PEX7: variants seen among roughly 807,000 people sequenced by gnomAD.
PEX7 encodes peroxisomal biogenesis factor 7, also known as PTS2 receptor.
PEX7 carries 34 observed loss-of-function variants against 47.5 expected under a neutral mutation model. The observed-to-expected ratio is 0.72, with a 90% CI of 0.54 to 0.95. PEX7 has a LOEUF of 0.95. Among genes scored for constraint, PEX7 ranks in the 40% least tolerant of loss-of-function variants. The pLI is 0.00. For synonymous variants in PEX7, 141 were observed against 148.8 expected (o/e 0.95, Z 0.38); for missense variants, 394 against 400.3 (o/e 0.98, Z 0.13).
chr6:136,891,827 T>A (rs1162444482), intron 8 of PEX7, among the ~76,000 whole-genome samples: 1 of 152,168 alleles, frequency 6.6e-6, no homozygotes, highest in Non-Finnish European at 1.5e-5. Context: ...GTATTTTTGG[T>A]AGAGACAGGG....
intron 7 of PEX7, 46 bp from the exon 8 acceptor site, chr6:136,872,152 A>C: frequency 2.5e-5 from 37 of 1,474,030 alleles, no homozygotes; most frequent in Non-Finnish European, 2.9e-5. Flanking sequence ...TGTTATAATC[A>C]CAGCTGACTT....
At chr6:136,887,170 A>G (rs1025627322) in intron 8 of PEX7, among the ~76,000 whole-genome samples, 1 of 152,194 alleles carries the variant, frequency 6.6e-6, no homozygotes, top group African/African-American at 2.4e-5. Flanking sequence ...AAATTATTTC[A>G]TAAGGAGGCA....
Position 136,845,673 on chromosome 6 carries a change from G to A in PEX7, c.398G>A (p.Trp133Ter). The change falls in exon 4 of 10, where the codon TGG becomes TAG. Residue 133 changes from tryptophan to a stop codon, truncating the protein, a stop_gained. Coordinates refer to ENST00000318471, the MANE Select transcript of PEX7 (RefSeq NM_000288.4). LOFTEE classifies it high-confidence loss of function. Reference sequence around the variant, plus strand: ...GAACAGCTTGTGGTGTCTGGCTCATGGGATCAAACTGTCAAATTGGTATGT... The same window carrying A: ...GAACAGCTTGTGGTGTCTGGCTCATAGGATCAAACTGTCAAATTGGTATGT... Reference protein sequence around the residue: ...RGEQLVVSGSWDQTVKLWDPT... With the variant: ...RGEQLVVSGS The A allele has an allele frequency of 6.2e-7, 1 of 1,605,664 alleles. No individual in the cohort carries two copies. The highest frequency in any genetic ancestry group is 8.5e-7 in the Non-Finnish European group (1 of 1,172,322).
rs375208281 is a variant in PEX7, at chr6:136,854,944, C to T, written c.526+8763C>T. ...TCTCTACAAAAATACAAAAATTAGC[C>T]GGGCATGGTGGCACACACCTGTAAT... On this transcript the variant is annotated intron_variant, in intron 5 of 9. Transcript: ENST00000318471. Among the ~76,000 whole-genome samples the T allele has an allele frequency of 6.4e-4, 97 of 152,084 alleles. 2 individuals are homozygous for T. Among genetic ancestry groups the T allele is most frequent in the African/African-American group, 2.3e-3 (95 of 41,498 alleles).
chr6:136,822,998 T>A, intron 1 of PEX7: 3 of 985,470 alleles, frequency 3.0e-6, no homozygotes, highest in Non-Finnish European at 3.6e-6. Flanking sequence ...GGAGTCGATC[T>A]TCCAGTTGTG....
intron 7 of PEX7, among the ~76,000 whole-genome samples, chr6:136,870,454 A>G (rs1233877570): frequency 2.0e-5 from 3 of 152,102 alleles, no homozygotes; most frequent in East Asian, 1.9e-4. Flanking sequence ...AAAGTTTTCT[A>G]CTCTGTGAAC....
chr6:136,843,660 T>A (rs9399197), intron 3 of PEX7, among the ~76,000 whole-genome samples: 1 of 152,006 alleles, frequency 6.6e-6, no homozygotes, highest in Non-Finnish European at 1.5e-5. Flanking sequence ...AATCAAACTC[T>A]TTAGCTCTCA....
chr6:136,862,933 C>G (rs531726934), intron 5 of PEX7, among the ~76,000 whole-genome samples: 2 of 152,110 alleles, frequency 1.3e-5, no homozygotes, highest in Non-Finnish European at 2.9e-5. Context: ...AGGCCAAACA[C>G]TGGACATCCA....
intron 5 of PEX7, 47 bp downstream of exon 5, chr6:136,846,228 G>T: frequency 8.3e-7 from 1 of 1,208,560 alleles, no homozygotes; most frequent in South Asian, 1.3e-5. Context: ...AGTGAATGGT[G>T]GCCTTGTTTT....
chr6:136,860,747 A>G (rs1774946761), intron 5 of PEX7, among the ~76,000 whole-genome samples: 1 of 152,212 alleles, frequency 6.6e-6, no homozygotes, highest in Middle Eastern at 3.4e-3. Flanking sequence ...TCTTTTATTG[A>G]AGTATAATAC....
intron 2 of PEX7, among the ~76,000 whole-genome samples, chr6:136,825,837 A>AC (rs1774179396): frequency 6.6e-6 from 1 of 151,872 alleles, no homozygotes; most frequent in African/African-American, 2.4e-5. Flanking sequence ...CCAGCCTAAA[A>AC]ATTTTTTTAA....
chr6:136,881,090 A>G (rs1280230301), intron 8 of PEX7, among the ~76,000 whole-genome samples: 1 of 152,226 alleles, frequency 6.6e-6, no homozygotes, highest in Non-Finnish European at 1.5e-5. Flanking sequence ...TTTGGACACC[A>G]TTTACTCACT....
chr6:136,897,742 T>TA (rs889568898), intron 8 of PEX7, among the ~76,000 whole-genome samples: 24 of 152,220 alleles, frequency 1.6e-4, no homozygotes, highest in African/African-American at 5.8e-4. Flanking sequence ...CACAAAATGT[T>TA]AGAGTTCATT....
chr6:136,823,336 G>C, intron 1 of PEX7: 1 of 985,444 alleles, frequency 1.0e-6, no homozygotes, highest in Non-Finnish European at 1.2e-6. Flanking sequence ...ATCAAGTTCA[G>C]TTCTTACCTG....
chr6:136,869,431 T>G (rs1302337748), intron 6 of PEX7, among the ~76,000 whole-genome samples: 1 of 151,824 alleles, frequency 6.6e-6, no homozygotes, highest in African/African-American at 2.4e-5. Flanking sequence ...GTAGACAGGG[T>G]CTTGCTTTAT....
At chr6:136,860,660 A>G (rs1183313479) in intron 5 of PEX7, among the ~76,000 whole-genome samples, 1 of 102,448 alleles carries the variant, frequency 9.8e-6, no homozygotes, top group Non-Finnish European at 2.1e-5. Context: ...TAAAACTTAA[A>G]GTATAATTAA....
chr6:136,846,005 T>C, intron 4 of PEX7, 68 bp from the exon 5 acceptor site: 1 of 844,544 alleles, frequency 1.2e-6, no homozygotes, highest in Non-Finnish European at 2.0e-6. Context: ...TATTGGTGTA[T>C]GTAGTATATG....
intron 3 of PEX7, among the ~76,000 whole-genome samples, chr6:136,829,190 G>GT (rs1774249735): frequency 6.6e-6 from 1 of 152,192 alleles, no homozygotes; most frequent in African/African-American, 2.4e-5. Flanking sequence ...CTTGGCACCA[G>GT]TTTCTGCCTC....
chr6:136,866,763 T>A (rs778000772), intron 6 of PEX7, 30 bp downstream of exon 6: 275 of 1,543,396 alleles, frequency 1.8e-4, no homozygotes, highest in Non-Finnish European at 2.4e-4. Flanking sequence ...CCTATGCTGC[T>A]GTCCTTCCTA....
Sources: allele counts gnomAD v4.1 joint callset (sites outside exome capture counted in the v4.1 genomes callset), GRCh38; gene constraint gnomAD v4.1.1; transcripts MANE v1.5; gene names NCBI Gene and HGNC (gene_info 2026-07-23, HGNC 2026-07-21).